GRM7: variants seen among roughly 807,000 people sequenced by gnomAD.
GRM7 encodes glutamate metabotropic receptor 7.
Under a neutral mutation model 84.5 loss-of-function variants are expected in GRM7, and 35 were observed. The observed-to-expected ratio is 0.41, with a 90% CI of 0.32 to 0.55. The LOEUF is 0.55. Among genes scored for constraint, GRM7 ranks in the 20% least tolerant of loss-of-function variants. The pLI is 0.19. For missense variants in GRM7, 1,003 were observed against 1,194.6 expected (o/e 0.84, Z 2.36); for synonymous variants, 487 against 455.1 (o/e 1.07, Z -0.89).
intron 7 of GRM7, among the ~76,000 whole-genome samples, chr3:7,497,010 C>T (rs1022820829): frequency 6.6e-6 from 1 of 151,008 alleles, no homozygotes; most frequent in Non-Finnish European, 1.5e-5. Context: ...CTCATAGATA[C>T]TATAGAAAAA....
At chr3:7,710,267 G>A (rs916252278) in intron 9 of GRM7, among the ~76,000 whole-genome samples, 2 of 152,162 alleles carry the variant, frequency 1.3e-5, no homozygotes, top group South Asian at 2.1e-4. Flanking sequence ...AAAAGAATGC[G>A]TAATGCAAAA....
At chr3:7,173,613 G>A (rs1415286819) in intron 2 of GRM7, among the ~76,000 whole-genome samples, 1 of 152,106 alleles carries the variant, frequency 6.6e-6, no homozygotes, top group Non-Finnish European at 1.5e-5. Flanking sequence ...CACACATACT[G>A]TTCTTTGCTG....
intron 1 of GRM7, among the ~76,000 whole-genome samples, chr3:7,044,862 C>G (rs1187894250): frequency 1.3e-5 from 2 of 152,122 alleles, no homozygotes; most frequent in Non-Finnish European, 2.9e-5. Flanking sequence ...CCCACTTAGT[C>G]CCTGAACTTT....
chr3:7,254,524 G>A (rs1698127510), intron 2 of GRM7, among the ~76,000 whole-genome samples: 2 of 152,208 alleles, frequency 1.3e-5, no homozygotes, highest in African/African-American at 4.8e-5. Flanking sequence ...CTTTGCTAGT[G>A]GGTCTCTGTC....
Position 7,229,114 on chromosome 3 carries a change from GTTAC to G in GRM7, c.737-69566_737-69563del, listed in dbSNP as rs201046143. 7.5e-4 allele frequency among the ~76,000 whole-genome samples: 113 copies of G among 151,620 alleles called. 2 individuals carry two copies. The East Asian group carries it at 0.017, about 23-fold the overall frequency. ...TCAACTATATGTCAAATTAGAAGGG[GTTAC>G]TTAATCTTCTTAATGTTAGCTATTT... On this transcript the variant is annotated intron_variant, in intron 2 of 9. Coordinates refer to ENST00000357716, the MANE Select transcript of GRM7 (RefSeq NM_000844.4).
intron 3 of GRM7, among the ~76,000 whole-genome samples, chr3:7,304,477 A>C (rs956757765): frequency 6.6e-6 from 1 of 151,614 alleles, no homozygotes; most frequent in Non-Finnish European, 1.5e-5. Context: ...TAAGTTTTTA[A>C]ACTTGAAAAT....
At chr3:7,083,400 G>A (rs79640433) in intron 1 of GRM7, among the ~76,000 whole-genome samples, 219 of 152,262 alleles carry the variant, frequency 1.4e-3, no homozygotes, top group African/African-American at 4.9e-3. Flanking sequence ...CTACAATACA[G>A]TGTGAACACA....
chr3:6,893,807 A>G (rs1559312674), intron 1 of GRM7: 1 of 152,198 alleles, frequency 6.6e-6, no homozygotes, highest in Non-Finnish European at 1.5e-5. Context: ...AAGCTGTTGA[A>G]AAATTCATCA....
intron 1 of GRM7, among the ~76,000 whole-genome samples, chr3:6,883,361 A>T (rs1045926439): frequency 6.6e-6 from 1 of 152,040 alleles, no homozygotes; most frequent in African/African-American, 2.4e-5. Context: ...AAATTCTTTA[A>T]TATTGTCTAG....
At chr3:7,315,844 C>A (rs1420871063) in intron 4 of GRM7, among the ~76,000 whole-genome samples, 4 of 152,116 alleles carry the variant, frequency 2.6e-5, no homozygotes, top group African/African-American at 9.7e-5. Context: ...TTTCTACTTG[C>A]TTTTCAATAT....
chr3:7,471,208 T>TA (rs34317607), intron 7 of GRM7, among the ~76,000 whole-genome samples: 55,071 of 148,558 alleles, frequency 0.37, 10,156 homozygotes, highest in African/African-American at 0.44. Flanking sequence ...ATTGCTGCTG[T>TA]AAAAAAAAAA....
intron 8 of GRM7, among the ~76,000 whole-genome samples, chr3:7,621,523 A>G (rs1319812535): frequency 6.6e-6 from 1 of 152,100 alleles, no homozygotes. Flanking sequence ...CAGCTGGGGG[A>G]GGGGACGCAC....
intron 5 of GRM7, among the ~76,000 whole-genome samples, chr3:7,439,016 C>T (rs1697176914): frequency 6.6e-6 from 1 of 152,034 alleles, no homozygotes; most frequent in African/African-American, 2.4e-5. Context: ...AGATACAAAG[C>T]ATAAGTTCAT....
rs555598605 is a variant in GRM7, at chr3:6,861,688, G to T, written c.300G>T (p.Thr100=). ...NSDPNLLPNV[T]LGARILDTCS... ...ATCCCAACCTACTGCCCAACGTGAC[G>T]CTGGGCGCGCGGATCCTGGACACTT... The change falls in exon 1 of 10, where the codon ACG becomes ACT. Residue 100 remains threonine (T), a synonymous_variant. Coordinates refer to ENST00000357716, the MANE Select transcript of GRM7 (RefSeq NM_000844.4). This position sits in a 1 kb window ranked among gnomAD's most constrained non-coding sequence, Gnocchi z 6.4. 714 of 1,614,142 alleles carry T rather than the reference G, an allele frequency of 4.4e-4. 7 individuals are homozygous for T. In the South Asian group the frequency reaches 7.3e-3, roughly 16 times the overall value.
chr3:7,227,686 A>G lies in GRM7; in HGVS notation c.737-70998A>G, dbSNP rs559666605. Among the ~76,000 whole-genome samples the G allele has an allele frequency of 2.4e-3, 371 of 152,318 alleles. 2 individuals are homozygous for G. The highest frequency in any genetic ancestry group is 6.8e-3 in the Middle Eastern group (2 of 294). On this transcript the variant is annotated intron_variant, in intron 2 of 9. Coordinates refer to ENST00000357716, the MANE Select transcript of GRM7 (RefSeq NM_000844.4). The stretch of plus-strand genomic sequence containing the variant: ...CAAATGGAAGGTTTCTTTTCAAAAA[A>G]ATTTACAGCTATTCTTTTAAAGCAT...
At chr3:6,875,402 C>G (rs756150135) in intron 1 of GRM7, among the ~76,000 whole-genome samples, 1 of 152,236 alleles carries the variant, frequency 6.6e-6, no homozygotes, top group East Asian at 1.9e-4. Flanking sequence ...TTCCCCCATA[C>G]TGTTCTCTTG....
rs1280728969 is a variant in GRM7 at position 7,676,687 on chromosome 3, GC to G, written c.2452-3360del. Among the ~76,000 whole-genome samples the G allele has an allele frequency of 2.0e-5, 3 of 152,086 alleles. No homozygotes were observed. In the East Asian group the frequency reaches 5.9e-4, roughly 30 times the overall value. ...GACCTCAGGTGATCTGCCCGCCTCGGCCTCCCAAAGTGCTAGGATTACAGGT... is the reference window on the plus strand; with the variant it reads ...GACCTCAGGTGATCTGCCCGCCTCGGCTCCCAAAGTGCTAGGATTACAGGT... On this transcript the variant is annotated intron_variant, in intron 8 of 9. Coordinates refer to ENST00000357716, the MANE Select transcript of GRM7 (RefSeq NM_000844.4).
chr3:7,709,486 A>G (rs1220678504), intron 9 of GRM7, among the ~76,000 whole-genome samples: 1 of 152,148 alleles, frequency 6.6e-6, no homozygotes, highest in African/African-American at 2.4e-5. Flanking sequence ...AATGAGTGTC[A>G]GTGGAGACAG....
At chr3:7,453,908 C>T (rs748562435) in intron 6 of GRM7, among the ~76,000 whole-genome samples, 12 of 152,014 alleles carry the variant, frequency 7.9e-5, no homozygotes, top group South Asian at 2.1e-4. Flanking sequence ...TCTAAAATGA[C>T]GGGCTGATAG....
Sources: gnomAD v4.1 joint callset for allele counts (sites outside exome capture counted in the v4.1 genomes callset) on GRCh38, gnomAD v4.1.1 for gene constraint, Gnocchi (gnomAD v3.1) non-coding constraint, MANE v1.5 for transcripts, NCBI Gene and HGNC (gene_info 2026-07-23, HGNC 2026-07-21) for gene names.